Variants in NAALADL2 observed in about 807,000 individuals in gnomAD.
The protein encoded by NAALADL2 is N-acetylated alpha-linked acidic dipeptidase like 2, also known as inactive N-acetylated-alpha-linked acidic dipeptidase-like protein 2.
A neutral mutation model predicts 87.2 loss-of-function variants in NAALADL2; 76 were observed. The observed-to-expected ratio is 0.87, with a 90% CI of 0.72 to 1.05. The LOEUF is 1.05. NAALADL2 is among the 50% of genes least tolerant of loss of function. The pLI is 0.00. For missense variants in NAALADL2, 1,089 were observed against 945.8 expected (o/e 1.15, Z -1.99); for synonymous variants, 354 against 331.0 (o/e 1.07, Z -0.75).
At chr3:175,401,698 G>A (rs534640076) in intron 5 of NAALADL2, among the ~76,000 whole-genome samples, 2 of 152,244 alleles carry the variant, frequency 1.3e-5, no homozygotes, top group South Asian at 4.1e-4. Context: ...CACAGAAAAT[G>A]TGCAATATGA....
At chr3:175,696,370 A>C (rs1041038672) in intron 11 of NAALADL2, among the ~76,000 whole-genome samples, 5 of 152,092 alleles carry the variant, frequency 3.3e-5, no homozygotes, top group Non-Finnish European at 7.3e-5. Context: ...AACAAATGAA[A>C]CTTCAGGAGA....
chr3:174,854,844 T>C (rs1252127776), upstream of NAALADL2, among the ~76,000 whole-genome samples: 2 of 145,116 alleles, frequency 1.4e-5, no homozygotes, highest in Non-Finnish European at 3.0e-5. Context: ...TCTTTTTTTT[T>C]TTTTTTTTTT....
At chr3:174,833,205 C>T (rs1402310838) in intron 3 of NAALADL2, among the ~76,000 whole-genome samples, 1 of 152,058 alleles carries the variant, frequency 6.6e-6, no homozygotes, top group Non-Finnish European at 1.5e-5. Flanking sequence ...AAGGAGATAA[C>T]TTTGGTTAAT....
At chr3:174,637,826 C>T (rs1295876252) in intron 2 of NAALADL2, among the ~76,000 whole-genome samples, 1 of 151,840 alleles carries the variant, frequency 6.6e-6, no homozygotes, top group African/African-American at 2.4e-5. Context: ...TTTTATAAAG[C>T]CAAGTCTTGA....
intron 11 of NAALADL2, among the ~76,000 whole-genome samples, chr3:175,697,042 A>G (rs1737886460): frequency 6.6e-6 from 1 of 152,080 alleles, no homozygotes; most frequent in African/African-American, 2.4e-5. Flanking sequence ...TTTCAGCATG[A>G]GTTTGGAGGA....
intron 1 of NAALADL2, among the ~76,000 whole-genome samples, chr3:174,882,843 GCATATGTGTATATATACATATGTGTA>G (rs1729573982): frequency 7.2e-6 from 1 of 138,246 alleles, no homozygotes; most frequent in Non-Finnish European, 1.5e-5. Flanking sequence ...GTGTATATGT[GCATATGTGTATATATACATATGTGTA>G]TATGTGTATA....
chr3:175,565,093 A>C (rs1263060787), intron 9 of NAALADL2, among the ~76,000 whole-genome samples: 2 of 152,200 alleles, frequency 1.3e-5, no homozygotes, highest in Non-Finnish European at 2.9e-5. Flanking sequence ...TAAGTTGAGG[A>C]ACTTATTCCT....
Position 175,044,349 on chromosome 3 carries a change from T to C in NAALADL2, c.44-52441T>C, listed in dbSNP as rs894790215. ...AAGAATGATTGAAATCATTTCTCTC[T>C]CTCATCTCCAGTCTGAGATGGTCTT... On this transcript the variant is annotated intron_variant, in intron 1 of 13. Transcript: ENST00000454872. Among the ~76,000 whole-genome samples, 4 of 152,284 alleles carry C rather than the reference T, an allele frequency of 2.6e-5. No individual in the cohort carries two copies. In the East Asian group the frequency reaches 5.8e-4, roughly 22 times the overall value.
chr3:175,356,304 C>T (rs960009939), intron 5 of NAALADL2, among the ~76,000 whole-genome samples: 4 of 151,942 alleles, frequency 2.6e-5, no homozygotes, highest in Admixed American at 6.6e-5. Context: ...TAATATCCAC[C>T]GGGCAAGGTG....
intron 11 of NAALADL2, among the ~76,000 whole-genome samples, chr3:175,729,820 A>C: frequency 7.1e-6 from 1 of 140,780 alleles, no homozygotes; most frequent in Non-Finnish European, 1.5e-5. Flanking sequence ...TTTTTTTCCC[A>C]TGGTAACATG....
At chr3:174,499,803 A>C (rs1227632111) in intron 1 of NAALADL2, among the ~76,000 whole-genome samples, 1 of 152,078 alleles carries the variant, frequency 6.6e-6, no homozygotes, top group Non-Finnish European at 1.5e-5. Context: ...CTAAGCTGAC[A>C]CTGTACTTTC....
At chr3:174,936,488 CATA>C (rs1470613802) in intron 1 of NAALADL2, among the ~76,000 whole-genome samples, 21 of 151,926 alleles carry the variant, frequency 1.4e-4, no homozygotes, top group African/African-American at 5.1e-4. Flanking sequence ...ATCAAGCAGC[CATA>C]ATAAAAGCTA....
At chr3:175,206,771 A>G (rs1740988518) in intron 2 of NAALADL2, among the ~76,000 whole-genome samples, 1 of 152,148 alleles carries the variant, frequency 6.6e-6, no homozygotes, top group African/African-American at 2.4e-5. Flanking sequence ...TTGGCAGCAC[A>G]GAGTAGAGGG....
intron 1 of NAALADL2, among the ~76,000 whole-genome samples, chr3:174,510,144 T>A (rs1388944043): frequency 6.6e-6 from 1 of 152,186 alleles, no homozygotes; most frequent in East Asian, 1.9e-4. Context: ...AAAATATTGT[T>A]AAGGACTTAT....
At chr3:175,220,111 T>A (rs1743138513) in intron 2 of NAALADL2, among the ~76,000 whole-genome samples, 1 of 151,440 alleles carries the variant, frequency 6.6e-6, no homozygotes, top group Non-Finnish European at 1.5e-5. Context: ...TGTCTTTTTA[T>A]ATAAATACAA....
intron 2 of NAALADL2, among the ~76,000 whole-genome samples, chr3:174,701,189 T>C (rs1213012520): frequency 6.6e-6 from 1 of 151,062 alleles, no homozygotes; most frequent in Non-Finnish European, 1.5e-5. Flanking sequence ...TATTTGATAA[T>C]TTTATAATTA....
chr3:175,734,184 G>A (rs1042254563), intron 11 of NAALADL2, among the ~76,000 whole-genome samples: 1 of 152,160 alleles, frequency 6.6e-6, no homozygotes, highest in Non-Finnish European at 1.5e-5. Context: ...TTTTTGCAGA[G>A]GTTCTCCATG....
At chr3:174,898,014 G>A (rs1311183634) in intron 1 of NAALADL2, among the ~76,000 whole-genome samples, 1 of 136,772 alleles carries the variant, frequency 7.3e-6, no homozygotes. Context: ...TTGGGAGGCT[G>A]AGGCAGGAGA....
At chr3:175,789,162 A>T (rs1398860259) in intron 13 of NAALADL2, among the ~76,000 whole-genome samples, 1 of 152,144 alleles carries the variant, frequency 6.6e-6, no homozygotes, top group Non-Finnish European at 1.5e-5. Flanking sequence ...TGGAACTGAG[A>T]TTGCTTTTGT....
Sources: gnomAD v4.1 joint callset for allele counts (sites outside exome capture counted in the v4.1 genomes callset) on GRCh38, gnomAD v4.1.1 for gene constraint, MANE v1.5 for transcripts, NCBI Gene and HGNC (gene_info 2026-07-23, HGNC 2026-07-21) for gene names.